COL5A1: variants seen among roughly 807,000 people sequenced by gnomAD.
COL5A1 encodes collagen alpha-1(V) chain.
COL5A1 carries 16 observed loss-of-function variants against 263.7 expected under a neutral mutation model. That is an observed-to-expected ratio of 0.06 (90% CI 0.04 to 0.09). The LOEUF is 0.09. Ranked by LOEUF, COL5A1 falls within the 10% of genes least tolerant of loss-of-function variation. The pLI, the probability that COL5A1 is intolerant of heterozygous loss-of-function variation, is 1.00. For synonymous variants in COL5A1, 1,012 were observed against 1,004.5 expected (o/e 1.01, Z -0.14); for missense variants, 2,036 against 2,540.5 (o/e 0.80, Z 4.27).
chr9:134,642,839 C>A lies in COL5A1; in HGVS notation c.109+543C>A, dbSNP rs1407568031. Among the ~76,000 whole-genome samples, 2 of 152,220 alleles carry A rather than the reference C, an allele frequency of 1.3e-5. No homozygotes were observed. Among genetic ancestry groups the A allele is most frequent in the African/African-American group, 4.8e-5 (2 of 41,454 alleles). On this transcript the variant is annotated intron_variant, in intron 1 of 65. Coordinates refer to ENST00000371817, the MANE Select transcript of COL5A1 (RefSeq NM_000093.5). The surrounding 1 kb of genome is among the most constrained non-coding windows in gnomAD (Gnocchi z 4.5). ...GGCGCCCTGCTTTCCCCAGGGACAG[C>A]GTTTCCTGCAGCCTTGGTCACCTAA...
At chr9:134,749,925 T>C (rs1006764498) in intron 11 of COL5A1, among the ~76,000 whole-genome samples, 4 of 152,228 alleles carry the variant, frequency 2.6e-5, no homozygotes, top group African/African-American at 9.6e-5. Context: ...TAGGTATGTC[T>C]GTGTGGCCAG....
At chr9:134,811,986 A>G (rs1170632810) in intron 46 of COL5A1, among the ~76,000 whole-genome samples, 2 of 152,248 alleles carry the variant, frequency 1.3e-5, no homozygotes, top group African/African-American at 2.4e-5. Flanking sequence ...GGTGTTTGAC[A>G]ATGAATCATG....
chr9:134,654,411 G>T (rs1416267424), intron 1 of COL5A1, among the ~76,000 whole-genome samples: 1 of 93,706 alleles, frequency 1.1e-5, no homozygotes, highest in South Asian at 4.2e-4. Context: ...GCTGGTGTGT[G>T]TAGGGCTGGA....
chr9:134,797,959 G>A (rs922290757), intron 36 of COL5A1, among the ~76,000 whole-genome samples: 12 of 152,224 alleles, frequency 7.9e-5, no homozygotes, highest in African/African-American at 2.4e-4. Context: ...GACACACGTC[G>A]CCTTATGGCA....
At chr9:134,709,978 G>C (rs984411345) in intron 4 of COL5A1, among the ~76,000 whole-genome samples, 3 of 152,184 alleles carry the variant, frequency 2.0e-5, no homozygotes, top group African/African-American at 7.2e-5. Context: ...CACCTGAGCG[G>C]AGGAGCTGCC....
chr9:134,691,107 C>T (rs190338018), intron 2 of COL5A1, 28 bp downstream of exon 2: 17 of 1,610,968 alleles, frequency 1.1e-5, no homozygotes, highest in East Asian at 4.5e-5. Context: ...CTGTTTGGGG[C>T]GGTGGGTCCC....
At chr9:134,651,552 T>C (rs1184214496) in intron 1 of COL5A1, among the ~76,000 whole-genome samples, 1 of 152,124 alleles carries the variant, frequency 6.6e-6, no homozygotes, top group Non-Finnish European at 1.5e-5. Flanking sequence ...GAGAGCACGG[T>C]GGTCTCAGCT....
At chr9:134,643,100 G>T (rs1307714663) in intron 1 of COL5A1, among the ~76,000 whole-genome samples, 1 of 152,204 alleles carries the variant, frequency 6.6e-6, no homozygotes, top group Non-Finnish European at 1.5e-5. Context: ...CTTGCTTCCC[G>T]GGGAGGGCGC....
At chr9:134,726,935 A>G (rs1012768883) in intron 4 of COL5A1, among the ~76,000 whole-genome samples, 5 of 149,856 alleles carry the variant, frequency 3.3e-5, no homozygotes, top group African/African-American at 1.2e-4. Flanking sequence ...GGGTGGGTGA[A>G]TGGATGGAAG....
rs750453604 is a variant in COL5A1, at chr9:134,812,514, T to G, written c.3744+12T>G. ...ACGTGGGCCAGATGGTAAGTGTGCC[T>G]GAGACTCCAAGGCCTTGCCGTACTA... On this transcript the variant is annotated intron_variant, in intron 47 of 65. Transcript: ENST00000371817. The G allele has an allele frequency of 3.2e-5, 51 of 1,613,924 alleles. No homozygotes were observed. In the East Asian group the frequency reaches 9.1e-4, roughly 29 times the overall value.
intron 1 of COL5A1, among the ~76,000 whole-genome samples, chr9:134,666,291 C>G (rs758417242): frequency 6.6e-6 from 1 of 152,202 alleles, no homozygotes; most frequent in African/African-American, 2.4e-5. Context: ...GTACCTACCT[C>G]TCCTGGTGTC....
chr9:134,840,982 C>T (rs555447599), intron 65 of COL5A1, among the ~76,000 whole-genome samples: 2 of 152,222 alleles, frequency 1.3e-5, no homozygotes, highest in Admixed American at 6.5e-5. Flanking sequence ...AGCAGAATAC[C>T]GGGAGAGCTG....
chr9:134,762,049 C>T lies in COL5A1; in HGVS notation c.1989+71C>T, dbSNP rs1588519767. 1.9e-5 allele frequency: 29 copies of T among 1,516,384 alleles called. 1 individual carries two copies. The highest frequency in any genetic ancestry group is 1.8e-4 in the South Asian group (16 of 88,964). The allele number at this position is 1,516,384 out of a possible 1,614,324, so 93.9% of individuals were successfully genotyped here. A position where few individuals can be genotyped will look rare whatever the true frequency, so the allele number is the denominator to read the frequency against. On this transcript the variant is annotated intron_variant, in intron 19 of 65. Transcript: ENST00000371817. ...CTCAGTGATTTGGGCAGGAAAACCA[C>T]AGAAGAGAGGCCCAGGTGTGGGATT... is the stretch of plus-strand genomic sequence containing the variant.
intron 4 of COL5A1, among the ~76,000 whole-genome samples, chr9:134,723,899 G>A (rs915130362): frequency 2.0e-5 from 3 of 152,166 alleles, no homozygotes; most frequent in East Asian, 1.9e-4. Context: ...TGAGCTCCTC[G>A]CTCATCATTT....
At chr9:134,796,052 C>T (rs1056261812) in intron 34 of COL5A1, among the ~76,000 whole-genome samples, 1 of 152,208 alleles carries the variant, frequency 6.6e-6, no homozygotes, top group Admixed American at 6.5e-5. Context: ...TAGAGCGGGT[C>T]CCTGCGTTCT....
At chr9:134,810,550 A>T (rs1838485908) in intron 44 of COL5A1, 1 of 544,374 alleles carries the variant, frequency 1.8e-6, no homozygotes, top group African/African-American at 1.9e-5. Context: ...TGCGAAATTA[A>T]ATAAATGGAG....
chr9:134,763,036 T>C (rs1017944447), intron 19 of COL5A1, among the ~76,000 whole-genome samples: 4 of 152,118 alleles, frequency 2.6e-5, no homozygotes, highest in South Asian at 2.1e-4. Context: ...AGGGTGTATG[T>C]GTGTGCACAA....
At chr9:134,714,324 A>C (rs1220801070) in intron 4 of COL5A1, among the ~76,000 whole-genome samples, 2 of 149,354 alleles carry the variant, frequency 1.3e-5, no homozygotes, top group African/African-American at 4.9e-5. Flanking sequence ...GATGGTGGTG[A>C]TATTAATGGT....
At chr9:134,811,313 C>G in intron 44 of COL5A1, 26 bp from the exon 45 acceptor site, 1 of 1,612,458 alleles carries the variant, frequency 6.2e-7, no homozygotes, top group Non-Finnish European at 8.5e-7. Context: ...AAGAAGCTAC[C>G]TATGTCTCTG....
Sources: gnomAD v4.1 joint callset for allele counts (sites outside exome capture counted in the v4.1 genomes callset) on GRCh38, gnomAD v4.1.1 for gene constraint, Gnocchi (gnomAD v3.1) non-coding constraint, MANE v1.5 for transcripts, NCBI Gene and HGNC (gene_info 2026-07-23, HGNC 2026-07-21) for gene names.